Variants in TBC1D15 observed in about 807,000 individuals in gnomAD.
The protein encoded by TBC1D15 is GAP for RAB7.
TBC1D15 carries 39 observed loss-of-function variants against 95.4 expected under a neutral mutation model. The observed-to-expected ratio is 0.41, with a 90% CI of 0.32 to 0.53. TBC1D15 has a LOEUF of 0.53. TBC1D15 is among the 20% of genes least tolerant of loss of function. TBC1D15 has a pLI of 0.29. For synonymous variants in TBC1D15, 258 were observed against 261.3 expected (o/e 0.99, Z 0.12); for missense variants, 733 against 794.3 (o/e 0.92, Z 0.93).
chr12:71,844,964 A>T (rs1397040550), intron 1 of TBC1D15, among the ~76,000 whole-genome samples: 2 of 152,240 alleles, frequency 1.3e-5, no homozygotes, highest in African/African-American at 4.8e-5. Context: ...CTTCTAAATC[A>T]GATTAAGTGG....
chr12:71,849,284 C>A (rs1013098857), intron 1 of TBC1D15: 74 of 844,488 alleles, frequency 8.8e-5, no homozygotes, highest in Non-Finnish European at 1.2e-4. Flanking sequence ...GTTCTTTGTT[C>A]CACGCTTCTA....
At chr12:71,892,353 G>T (rs922736435) in intron 5 of TBC1D15, among the ~76,000 whole-genome samples, 5 of 151,966 alleles carry the variant, frequency 3.3e-5, no homozygotes, top group African/African-American at 9.7e-5. Context: ...TGTTATTAAA[G>T]ATCTTATCTC....
Position 71,895,995 on chromosome 12 carries a change from C to G in TBC1D15, c.904C>G (p.Leu302Val), listed in dbSNP as rs371079720. The change falls in exon 8 of 17, where the codon CTG (leucine) becomes GTG (valine). Residue 302 changes from leucine to valine, a missense_variant. Coordinates refer to ENST00000485960, the MANE Select transcript of TBC1D15 (RefSeq NM_001146213.3). The part of the protein sequence containing the change: ...PVVQRREPVS[L>V]EEWTKNIDSE... ...TGTTCAAAGGAGAGAACCGGTATCA[C>G]TGGAAGAATGGACTAAGAACATTGA... is the stretch of plus-strand genomic sequence containing the variant. 100 of 1,612,622 alleles carry G rather than the reference C, an allele frequency of 6.2e-5. No homozygotes were observed. The highest frequency in any genetic ancestry group is 8.3e-5 in the Non-Finnish European group (98 of 1,179,010).
At chr12:71,913,705 C>T in intron 11 of TBC1D15, 121 bp from the exon 12 acceptor site, 1 of 643,722 alleles carries the variant, frequency 1.6e-6, no homozygotes, top group Non-Finnish European at 2.6e-6. Flanking sequence ...TCAGTGTCTA[C>T]CAATTTCTAA....
At chr12:71,893,701 A>T (rs1017615547) in intron 6 of TBC1D15, among the ~76,000 whole-genome samples, 8 of 151,932 alleles carry the variant, frequency 5.3e-5, no homozygotes, top group African/African-American at 1.9e-4. Flanking sequence ...TTTGAATTTA[A>T]GTAGATTGTT....
Position 71,913,808 on chromosome 12 carries a change from T to TC in TBC1D15, c.1301-18_1301-17insC. 1 of 1,547,306 alleles carries TC rather than the reference T, an allele frequency of 6.5e-7. No individual in the cohort carries two copies. The highest frequency in any genetic ancestry group is 1.2e-5 in the South Asian group (1 of 82,282). On this transcript the variant is annotated splice_polypyrimidine_tract_variant and intron_variant, in intron 11 of 16. Coordinates refer to ENST00000485960, the MANE Select transcript of TBC1D15 (RefSeq NM_001146213.3). ...TAAAACTTGGGTTTTCAGAGATGAT[T>TC]TTTTCTTTTCTTTTTAGGATATGTT...
chr12:71,906,722 G>T (rs560009017), intron 10 of TBC1D15, among the ~76,000 whole-genome samples: 1 of 151,138 alleles, frequency 6.6e-6, no homozygotes, highest in South Asian at 2.1e-4. Context: ...TTATTACTTA[G>T]TGTTGCTTTT....
At position 71,897,887 on chromosome 12, in the gene TBC1D15, A is replaced by G. The variant is rs183064428; in HGVS notation, c.1129A>G (p.Ser377Gly). 3.1e-6 allele frequency: 5 copies of G among 1,612,888 alleles called. No homozygotes were observed. In the East Asian group the frequency reaches 6.7e-5, roughly 22 times the overall value. The change falls in exon 10 of 17, where the codon AGC (serine) becomes GGC (glycine). Residue 377 changes from serine (S) to glycine (G), a missense_variant. Coordinates refer to ENST00000485960, the MANE Select transcript of TBC1D15 (RefSeq NM_001146213.3). ...FRMKLQWKSI[S>G]QEQEKRNSRL... ...AATGAAACTGCAGTGGAAATCCATC[A>G]GCCAGGAACAAGAGAAAAGAAATTC...
intron 12 of TBC1D15, among the ~76,000 whole-genome samples, chr12:71,917,057 C>T (rs990485449): frequency 2.6e-5 from 4 of 151,616 alleles, no homozygotes; most frequent in East Asian, 1.9e-4. Flanking sequence ...AAAAATTTAC[C>T]GACACAAGAG....
chr12:71,871,921 C>T (rs1187881882), intron 1 of TBC1D15, 149 bp from the exon 2 acceptor site: 1 of 394,140 alleles, frequency 2.5e-6, no homozygotes, highest in African/African-American at 2.1e-5. Context: ...GCTGTTAACT[C>T]TGAGAGGTAT....
At chr12:71,861,952 C>G (rs766351295) in intron 1 of TBC1D15, among the ~76,000 whole-genome samples, 12 of 152,014 alleles carry the variant, frequency 7.9e-5, no homozygotes, top group Non-Finnish European at 1.5e-4. Context: ...ATTGGTCATT[C>G]AGAAACGTTT....
At position 71,920,772 on chromosome 12, in the gene TBC1D15, T is replaced by C. The variant is rs113500080; in HGVS notation, c.1641T>C (p.Leu547=). 6.2e-6 allele frequency: 10 copies of C among 1,613,004 alleles called. No individual in the cohort carries two copies. Among genetic ancestry groups the C allele is most frequent in the African/African-American group, 1.3e-5 (1 of 75,022 alleles). The change falls in exon 15 of 17, where the codon CTT becomes CTC. Residue 547 remains leucine (L), a synonymous_variant. Transcript: ENST00000485960. ...TELPCTNFHL[L]LCCAILESEK... ...TACCATGTACAAATTTCCATCTTCT[T>C]CTCTGTTGTGCTATTCTGGAATCAG... is the stretch of plus-strand genomic sequence containing the variant.
At chr12:71,887,704 C>T (rs1301948311) in intron 5 of TBC1D15, among the ~76,000 whole-genome samples, 1 of 152,162 alleles carries the variant, frequency 6.6e-6, no homozygotes, top group Non-Finnish European at 1.5e-5. Flanking sequence ...TATCTCTGCT[C>T]CTCACTATCT....
At chr12:71,865,578 G>A (rs979067128) in intron 1 of TBC1D15, among the ~76,000 whole-genome samples, 41 of 152,082 alleles carry the variant, frequency 2.7e-4, no homozygotes, top group Non-Finnish European at 5.9e-5. Flanking sequence ...GCTGTGGTTT[G>A]GGCCCCAGGA....
At chr12:71,876,283 A>G (rs983622533) in intron 3 of TBC1D15, among the ~76,000 whole-genome samples, 6 of 152,072 alleles carry the variant, frequency 3.9e-5, no homozygotes, top group Non-Finnish European at 8.8e-5. Context: ...TGTCTAAATA[A>G]CATTCTTCTA....
intron 4 of TBC1D15, among the ~76,000 whole-genome samples, chr12:71,883,601 T>C (rs1191727512): frequency 6.6e-6 from 1 of 152,148 alleles, no homozygotes; most frequent in Non-Finnish European, 1.5e-5. Flanking sequence ...GATACATCCA[T>C]GCAGGTCAAC....
intron 1 of TBC1D15, among the ~76,000 whole-genome samples, chr12:71,853,537 T>G (rs1327686272): frequency 6.6e-6 from 1 of 152,180 alleles, no homozygotes; most frequent in Non-Finnish European, 1.5e-5. Flanking sequence ...ACTATTTGTG[T>G]TGTTTTGTGG....
chr12:71,843,945 A>G (rs1472210802), intron 1 of TBC1D15, among the ~76,000 whole-genome samples: 1 of 152,034 alleles, frequency 6.6e-6, no homozygotes, highest in Non-Finnish European at 1.5e-5. Context: ...TTTTAGTTCC[A>G]TAGTCATTAC....
At chr12:71,869,667 A>G (rs1289725836) in intron 1 of TBC1D15, among the ~76,000 whole-genome samples, 1 of 152,220 alleles carries the variant, frequency 6.6e-6, no homozygotes, top group Non-Finnish European at 1.5e-5. Flanking sequence ...CTAGAGATCT[A>G]ATGTACAACA....
Sources: allele counts gnomAD v4.1 joint callset (sites outside exome capture counted in the v4.1 genomes callset), GRCh38; gene constraint gnomAD v4.1.1; transcripts MANE v1.5; gene names NCBI Gene and HGNC (gene_info 2026-07-23, HGNC 2026-07-21).